Variants in FRAS1 observed in about 807,000 individuals in gnomAD.
The protein encoded by FRAS1 is Fraser extracellular matrix complex subunit 1.
FRAS1 carries 290 observed loss-of-function variants against 435.2 expected under a neutral mutation model. The ratio of observed to expected loss-of-function variants is 0.67; its 90% CI spans 0.61 to 0.73. The LOEUF (loss-of-function observed/expected upper bound fraction) is 0.73. Ranked by LOEUF, FRAS1 falls within the 30% of genes least tolerant of loss-of-function variation. The pLI, the probability that FRAS1 is intolerant of heterozygous loss-of-function variation, is 0.00. For synonymous variants in FRAS1, 1,800 were observed against 1,851.0 expected, an observed-to-expected ratio of 0.97 and a Z score of 0.71; for missense variants, 4,860 against 5,001.5, an observed-to-expected ratio of 0.97 and a Z score of 0.85.
rs774087208 is a variant in FRAS1 at position 78,432,393 on chromosome 4, C to T, written c.5006C>T (p.Ala1669Val). ...TFTYEDVEKN[A>V]LQYIHDGSST... ...ACCTATGAGGATGTTGAGAAAAATG[C>T]TCTACAGTATATACATGATGGTTCC... is the stretch of plus-strand genomic sequence containing the variant. Residue 1669 changes from alanine to valine, a missense_variant, in exon 38 of 74, where the codon GCT becomes GTT. By Grantham distance (64) the Ala-to-Val change is moderately conservative. Transcript: ENST00000512123. 18 of 1,606,664 alleles carry T rather than the reference C, an allele frequency of 1.1e-5. 1 individual carries two copies. The Admixed American group carries it at 2.0e-4, about 18-fold the overall frequency.
intron 42 of FRAS1, 137 bp from the exon 43 acceptor site, chr4:78,446,590 G>T: frequency 7.1e-7 from 1 of 1,400,238 alleles, no homozygotes; most frequent in Non-Finnish European, 9.2e-7. Context: ...TATTTTGCTT[G>T]GGAAGTAAAG....
At chr4:78,267,797 G>C (rs1354851493) in intron 9 of FRAS1, among the ~76,000 whole-genome samples, 3 of 152,240 alleles carry the variant, frequency 2.0e-5, no homozygotes, top group Non-Finnish European at 4.4e-5. Flanking sequence ...GGGTCCACAG[G>C]TGTGCTGGTG....
intron 1 of FRAS1, among the ~76,000 whole-genome samples, chr4:78,058,375 T>A (rs1054399487): frequency 6.6e-6 from 1 of 152,108 alleles, no homozygotes; most frequent in Non-Finnish European, 1.5e-5. Flanking sequence ...CTGAAACTGA[T>A]CCTTTTTCTT....
At chr4:78,276,632 T>C (rs1158301332) in intron 9 of FRAS1, among the ~76,000 whole-genome samples, 3 of 152,228 alleles carry the variant, frequency 2.0e-5, no homozygotes, top group Non-Finnish European at 1.5e-5. Flanking sequence ...GAACAGTGAA[T>C]ATTGCAGAAC....
chr4:78,369,850 A>T lies in FRAS1; in HGVS notation c.2735A>T (p.His912Leu). 2.5e-6 allele frequency: 4 copies of T among 1,612,786 alleles called. No homozygotes were observed. The highest frequency in any genetic ancestry group is 1.7e-6 in the Non-Finnish European group (2 of 1,179,412). ...CCTGTCTGCTCAGCATGCAACACAC[A>T]CTGTGGAAGCTGTGATTCACAGGCC... ...DNHVCQPCNT[H>L]CGSCDSQASC... The change falls in exon 23 of 74, where the codon CAC (histidine) becomes CTC (leucine). Residue 912 changes from histidine to leucine, a missense_variant. Transcript: ENST00000512123.
intron 2 of FRAS1, among the ~76,000 whole-genome samples, chr4:78,154,386 C>T (rs1031743067): frequency 1.3e-5 from 2 of 152,048 alleles, no homozygotes; most frequent in Non-Finnish European, 2.9e-5. Flanking sequence ...CTCAGGATAA[C>T]CTTGGTCTAT....
chr4:78,435,859 C>A (rs977626236), intron 38 of FRAS1, among the ~76,000 whole-genome samples: 1 of 152,034 alleles, frequency 6.6e-6, no homozygotes, highest in African/African-American at 2.4e-5. Flanking sequence ...TTGTATACTG[C>A]CTCACACCCT....
chr4:78,317,604 T>C (rs1157019965), intron 17 of FRAS1, 96 bp downstream of exon 17: 3 of 1,159,668 alleles, frequency 2.6e-6, no homozygotes, highest in Non-Finnish European at 3.6e-6. Flanking sequence ...TAACTTTTCT[T>C]CTAGTGTATC....
chr4:78,513,884 C>T (rs532807482), intron 65 of FRAS1, among the ~76,000 whole-genome samples: 1 of 152,284 alleles, frequency 6.6e-6, no homozygotes, highest in African/African-American at 2.4e-5. Flanking sequence ...TTTAAAGCAC[C>T]TACTATGGTA....
intron 14 of FRAS1, among the ~76,000 whole-genome samples, chr4:78,298,816 C>A (rs563289570): frequency 6.6e-6 from 1 of 152,268 alleles, no homozygotes; most frequent in East Asian, 1.9e-4. Context: ...AGTCTGGATA[C>A]TGGGGGTTTG....
rs374296155 is a variant in FRAS1, at chr4:78,182,765, A to T, written c.109-54745A>T. On this transcript the variant is annotated intron_variant, in intron 2 of 73. Coordinates refer to ENST00000512123, the MANE Select transcript of FRAS1 (RefSeq NM_025074.7). ...CATGGTGGCACGTGCCTGTAATCTC[A>T]GTTACTTGGGAGGCTGAGGCACGAG... is the stretch of plus-strand genomic sequence containing the variant. Among the ~76,000 whole-genome samples, 21 of 151,804 alleles carry T rather than the reference A, an allele frequency of 1.4e-4. 1 individual carries two copies. Among genetic ancestry groups the T allele is most frequent in the Non-Finnish European group, 4.4e-5 (3 of 67,962 alleles).
intron 27 of FRAS1, among the ~76,000 whole-genome samples, chr4:78,383,299 C>G (rs1001914961): frequency 2.6e-5 from 4 of 152,152 alleles, no homozygotes; most frequent in African/African-American, 4.8e-5. Flanking sequence ...CAATTGTGCT[C>G]CAGGACAGTC....
At chr4:78,341,433 A>G (rs1261485095) in intron 20 of FRAS1, among the ~76,000 whole-genome samples, 1 of 152,152 alleles carries the variant, frequency 6.6e-6, no homozygotes, top group African/African-American at 2.4e-5. Context: ...GGAAGAAAAC[A>G]CTGAGGCAGA....
chr4:78,340,971 C>T (rs1054372920), intron 20 of FRAS1, among the ~76,000 whole-genome samples: 2 of 152,176 alleles, frequency 1.3e-5, no homozygotes, highest in African/African-American at 4.8e-5. Flanking sequence ...GATATGGCCT[C>T]AACACATGAA....
chr4:78,384,639 A>G (rs1361978766), intron 28 of FRAS1, among the ~76,000 whole-genome samples: 1 of 152,074 alleles, frequency 6.6e-6, no homozygotes, highest in Non-Finnish European at 1.5e-5. Context: ...CATGCCTATA[A>G]TCTCAGCACT....
At chr4:78,298,028 C>CTATATATATA (rs1307535540) in intron 14 of FRAS1, among the ~76,000 whole-genome samples, 2 of 101,992 alleles carry the variant, frequency 2.0e-5, no homozygotes, top group African/African-American at 3.9e-5. Flanking sequence ...CTCTCTCTCT[C>CTATATATATA]TCTATATATA....
intron 38 of FRAS1, among the ~76,000 whole-genome samples, chr4:78,436,534 T>C (rs777937894): frequency 6.6e-6 from 1 of 152,224 alleles, no homozygotes. Context: ...CACTACTGTT[T>C]GTAACAGTGA....
chr4:78,135,270 A>T (rs1442533658), intron 2 of FRAS1, among the ~76,000 whole-genome samples: 1 of 151,594 alleles, frequency 6.6e-6, no homozygotes, highest in African/African-American at 2.4e-5. Context: ...TCTCCTTTTA[A>T]TTTTCTCTTT....
At chr4:78,326,155 CG>C (rs368917447) in intron 18 of FRAS1, among the ~76,000 whole-genome samples, 3 of 151,956 alleles carry the variant, frequency 2.0e-5, no homozygotes, top group African/African-American at 4.8e-5. Context: ...TTATAAAGAT[CG>C]TCTGGTGGAT....
Sources: gnomAD v4.1 joint callset for allele counts (sites outside exome capture counted in the v4.1 genomes callset) on GRCh38, gnomAD v4.1.1 for gene constraint, MANE v1.5 for transcripts, NCBI Gene and HGNC (gene_info 2026-07-23, HGNC 2026-07-21) for gene names.